Variants in FTO observed in about 807,000 individuals in gnomAD.
FTO encodes alpha-ketoglutarate-dependent dioxygenase FTO.
FTO carries 47 observed loss-of-function variants against 63.9 expected under a neutral mutation model. That is an observed-to-expected ratio of 0.74 (90% CI 0.58 to 0.94). The LOEUF (loss-of-function observed/expected upper bound fraction) is 0.94. Among genes scored for constraint, FTO ranks in the 40% least tolerant of loss-of-function variants. The pLI, the probability that FTO is intolerant of heterozygous loss-of-function variation, is 0.00. For synonymous variants in FTO, 207 were observed against 224.4 expected, an observed-to-expected ratio of 0.92 and a Z score of 0.69; for missense variants, 562 against 618.1, an observed-to-expected ratio of 0.91 and a Z score of 0.96.
intron 8 of FTO, among the ~76,000 whole-genome samples, chr16:54,108,706 G>T (rs760943725): frequency 6.6e-6 from 1 of 152,162 alleles, no homozygotes; most frequent in East Asian, 1.9e-4. Context: ...TAAACACTGC[G>T]TATAATTCAT....
At chr16:54,017,065 A>T (rs2084467905) in intron 8 of FTO, among the ~76,000 whole-genome samples, 1 of 152,214 alleles carries the variant, frequency 6.6e-6, no homozygotes, top group Non-Finnish European at 1.5e-5. Context: ...GATGCAGTAA[A>T]TCATGAGTGT....
intron 5 of FTO, among the ~76,000 whole-genome samples, chr16:53,874,088 G>A (rs1199877068): frequency 6.6e-6 from 1 of 152,168 alleles, no homozygotes; most frequent in Non-Finnish European, 1.5e-5. Context: ...GCTTCTTGGG[G>A]TTATGTTTCT....
intron 8 of FTO, among the ~76,000 whole-genome samples, chr16:53,971,926 A>G (rs2083329908): frequency 6.6e-6 from 1 of 152,202 alleles, no homozygotes; most frequent in African/African-American, 2.4e-5. Context: ...TTTTGGTAAC[A>G]GCTAATCTCC....
intron 8 of FTO, chr16:53,993,098 G>C (rs1488203549): frequency 1.3e-5 from 2 of 152,144 alleles, no homozygotes; most frequent in Non-Finnish European, 2.9e-5. Flanking sequence ...TCTCTCCCCG[G>C]AGGGTTTTTA....
chr16:53,935,365 G>A (rs1431545709), intron 8 of FTO, among the ~76,000 whole-genome samples: 8 of 152,182 alleles, frequency 5.3e-5, no homozygotes, highest in Admixed American at 4.6e-4. Flanking sequence ...CTGAAGATGA[G>A]CATTTTCCAA....
intron 1 of FTO, among the ~76,000 whole-genome samples, chr16:53,753,864 GC>G (rs758687043): frequency 4.6e-5 from 7 of 152,198 alleles, no homozygotes; most frequent in Non-Finnish European, 1.0e-4. Context: ...CTTTCTAGCT[GC>G]AGGAGAACTG....
chr16:53,915,637 G>A (rs2081845382), intron 7 of FTO, among the ~76,000 whole-genome samples: 1 of 152,190 alleles, frequency 6.6e-6, no homozygotes, highest in Non-Finnish European at 1.5e-5. Context: ...ACCACAGCAG[G>A]TGGTAGACTC....
At chr16:53,821,114 A>G (rs991652658) in intron 2 of FTO, among the ~76,000 whole-genome samples, 10 of 152,138 alleles carry the variant, frequency 6.6e-5, no homozygotes, top group Non-Finnish European at 1.2e-4. Flanking sequence ...GACCCAGTGT[A>G]TGTTGAATAA....
intron 1 of FTO, among the ~76,000 whole-genome samples, chr16:53,716,894 A>G (rs2075906767): frequency 1.3e-5 from 2 of 150,694 alleles, no homozygotes; most frequent in African/African-American, 2.4e-5. Flanking sequence ...GCTTATATAT[A>G]ATATATACAG....
intron 1 of FTO, among the ~76,000 whole-genome samples, chr16:53,770,975 C>T (rs961330733): frequency 1.7e-4 from 26 of 152,156 alleles, no homozygotes; most frequent in African/African-American, 6.3e-4. Flanking sequence ...CTCTTACACA[C>T]TTTGCTGTTG....
chr16:54,020,781 G>A (rs1030612372), intron 8 of FTO, among the ~76,000 whole-genome samples: 1 of 152,052 alleles, frequency 6.6e-6, no homozygotes, highest in Non-Finnish European at 1.5e-5. Flanking sequence ...AGTCCAGCCT[G>A]GCCAACATGG....
At chr16:53,713,411 GA>G (rs2151470635) in intron 1 of FTO, among the ~76,000 whole-genome samples, 1 of 152,198 alleles carries the variant, frequency 6.6e-6, no homozygotes, top group Non-Finnish European at 1.5e-5. Flanking sequence ...GGTACTTTTG[GA>G]ACCTTAATGA....
chr16:53,844,393 T>A (rs903800274), intron 4 of FTO, 95 bp downstream of exon 4: 9 of 1,044,354 alleles, frequency 8.6e-6, no homozygotes, highest in African/African-American at 1.6e-5. Flanking sequence ...AAATAAACTT[T>A]TGGAGTATTT....
intron 8 of FTO, chr16:53,992,349 CTTT>C (rs2083831415): frequency 6.6e-6 from 1 of 152,168 alleles, no homozygotes; most frequent in African/African-American, 2.4e-5. Context: ...CTCGCTGCCT[CTTT>C]TTTGTTTTTG....
intron 8 of FTO, among the ~76,000 whole-genome samples, chr16:54,069,015 C>A (rs13330969): frequency 0.25 from 37,484 of 152,072 alleles, 7,009 homozygotes; most frequent in African/African-American, 0.52. Flanking sequence ...ATTTCCAAAA[C>A]ATTACCCAAG....
At chr16:53,709,238 G>T (rs1362340614) in intron 1 of FTO, among the ~76,000 whole-genome samples, 2 of 152,140 alleles carry the variant, frequency 1.3e-5, no homozygotes, top group Non-Finnish European at 2.9e-5. Flanking sequence ...TGAATAAGAA[G>T]GTTGGACCAC....
intron 7 of FTO, among the ~76,000 whole-genome samples, chr16:53,912,959 A>G (rs1335485909): frequency 6.6e-6 from 1 of 152,198 alleles, no homozygotes; most frequent in African/African-American, 2.4e-5. Context: ...CTGTGCCTCA[A>G]GTGGCCTTTG....
intron 1 of FTO, among the ~76,000 whole-genome samples, chr16:53,717,931 G>A (rs1470058334): frequency 1.3e-5 from 2 of 151,918 alleles, no homozygotes; most frequent in African/African-American, 4.8e-5. Context: ...GGCAGCATGA[G>A]GCCCCTATAA....
intron 1 of FTO, among the ~76,000 whole-genome samples, chr16:53,747,276 C>T (rs536178612): frequency 3.1e-4 from 47 of 152,164 alleles, no homozygotes; most frequent in Non-Finnish European, 6.2e-4. Flanking sequence ...TTTGAGAACT[C>T]CATAATTGCT....
Sources: allele counts gnomAD v4.1 joint callset (sites outside exome capture counted in the v4.1 genomes callset), GRCh38; gene constraint gnomAD v4.1.1; transcripts MANE v1.5; gene names NCBI Gene and HGNC (gene_info 2026-07-23, HGNC 2026-07-21).